Variants in COMMD10 observed in about 807,000 individuals in gnomAD.
The protein encoded by COMMD10 is COMM domain-containing protein 10.
A neutral mutation model predicts 28.9 loss-of-function variants in COMMD10; 33 were observed. That is an observed-to-expected ratio of 1.14 (90% CI 0.87 to 1.53). The LOEUF is 1.53. Among genes scored for constraint, COMMD10 ranks in the 40% most tolerant of loss-of-function variants. COMMD10 has a pLI of 0.00. For missense variants in COMMD10, 310 were observed against 233.4 expected, an observed-to-expected ratio of 1.33 and a Z score of -2.14; for synonymous variants, 110 against 81.7, an observed-to-expected ratio of 1.35 and a Z score of -1.87.
At position 116,092,720 on chromosome 5, in the gene COMMD10, AAATATGTTTTTC is replaced by A. The variant is rs772694743; in HGVS notation, c.399+25_399+36del. On this transcript the variant is annotated intron_variant, in intron 4 of 6. Transcript: ENST00000274458. The stretch of plus-strand genomic sequence containing the variant: ...TGTAAGGTATAGAACATACTGTCTT[AAATATGTTTTTC>A]AATAACATATGGCATAAATTATTAT... The A allele has an allele frequency of 6.7e-7, 1 of 1,488,740 alleles. No individual in the cohort carries two copies. Among genetic ancestry groups the A allele is most frequent in the Non-Finnish European group, 9.0e-7 (1 of 1,110,220 alleles). 92.2% of individuals were successfully genotyped at this position (1,488,740 alleles called of 1,614,324 possible).
At chr5:116,152,946 A>G (rs1309322283) in intron 5 of COMMD10, among the ~76,000 whole-genome samples, 1 of 152,048 alleles carries the variant, frequency 6.6e-6, no homozygotes, top group African/African-American at 2.4e-5. Flanking sequence ...GTGAGTGGGT[A>G]TTTTGTTTCC....
At chr5:116,185,766 C>T (rs4283834) in intron 5 of COMMD10, among the ~76,000 whole-genome samples, 16,054 of 152,110 alleles carry the variant, frequency 0.11, 937 homozygotes, top group African/African-American at 0.15. Context: ...ATAACAAATA[C>T]ATCTTGCCTC....
At chr5:116,177,175 C>G (rs1294716516) in intron 5 of COMMD10, among the ~76,000 whole-genome samples, 2 of 152,028 alleles carry the variant, frequency 1.3e-5, no homozygotes, top group African/African-American at 4.8e-5. Context: ...GACAGGGATC[C>G]AGTGGACAAA....
chr5:116,111,123 C>T (rs184748356), intron 4 of COMMD10, among the ~76,000 whole-genome samples: 48 of 152,160 alleles, frequency 3.2e-4, no homozygotes, highest in African/African-American at 8.4e-4. Flanking sequence ...TCATTTGTAA[C>T]GTCTCCATTT....
intron 5 of COMMD10, among the ~76,000 whole-genome samples, chr5:116,283,921 G>A (rs1213818628): frequency 6.6e-6 from 1 of 151,758 alleles, no homozygotes; most frequent in East Asian, 1.9e-4. Flanking sequence ...CTTGAGCTCA[G>A]GGGTTTGAAA....
At chr5:116,179,897 C>T (rs533461226) in intron 5 of COMMD10, among the ~76,000 whole-genome samples, 6 of 151,720 alleles carry the variant, frequency 4.0e-5, no homozygotes, top group East Asian at 3.9e-4. Flanking sequence ...AATGATTGGA[C>T]GAGATGGCAG....
intron 5 of COMMD10, among the ~76,000 whole-genome samples, chr5:116,147,140 G>A (rs7709791): frequency 0.32 from 48,093 of 151,614 alleles, 10,550 homozygotes; most frequent in African/African-American, 0.63. Context: ...TGTTTTTGGT[G>A]TGTATCTGGA....
chr5:116,225,732 A>G (rs983077850), intron 5 of COMMD10, among the ~76,000 whole-genome samples: 2 of 151,970 alleles, frequency 1.3e-5, no homozygotes, highest in Non-Finnish European at 2.9e-5. Flanking sequence ...GTCTAGATTC[A>G]TCTTTCTACC....
chr5:116,172,006 T>C (rs1263549159), intron 5 of COMMD10, among the ~76,000 whole-genome samples: 1 of 152,088 alleles, frequency 6.6e-6, no homozygotes, highest in Non-Finnish European at 1.5e-5. Flanking sequence ...TTGTGAATTA[T>C]CATATTTAAA....
chr5:116,244,660 C>CAAAAAAAAAAAAAAAAAAAAAAAAATAAA (rs60360733), intron 5 of COMMD10, among the ~76,000 whole-genome samples: 4 of 79,478 alleles, frequency 5.0e-5, no homozygotes, highest in Non-Finnish European at 1.2e-4. Context: ...AAAAAAATTA[C>CAAAAAAAAAAAAAAAAAAAAAAAAATAAA]AAAAAAAAAA....
chr5:116,184,125 C>T (rs1322084038), intron 5 of COMMD10, among the ~76,000 whole-genome samples: 2 of 151,870 alleles, frequency 1.3e-5, no homozygotes, highest in Non-Finnish European at 2.9e-5. Context: ...TTATAGATCT[C>T]ACATTGTTTC....
intron 5 of COMMD10, among the ~76,000 whole-genome samples, chr5:116,150,539 G>T (rs1459104091): frequency 2.1e-5 from 3 of 143,802 alleles, no homozygotes; most frequent in African/African-American, 8.3e-5. Context: ...TCGTTGAGCA[G>T]TGGTTTGTAG....
intron 4 of COMMD10, among the ~76,000 whole-genome samples, chr5:116,133,501 A>G (rs554597914): frequency 3.3e-4 from 50 of 152,336 alleles, no homozygotes; most frequent in Middle Eastern, 3.4e-3. Context: ...GCTGGGTAGT[A>G]GATATCAATT....
intron 5 of COMMD10, among the ~76,000 whole-genome samples, chr5:116,280,356 A>G (rs1365221981): frequency 6.6e-6 from 1 of 151,790 alleles, no homozygotes; most frequent in African/African-American, 2.4e-5. Flanking sequence ...GTGCCCTTTG[A>G]GCCAGAGCTG....
At chr5:116,191,029 A>G (rs1011126314) in intron 5 of COMMD10, among the ~76,000 whole-genome samples, 1 of 152,204 alleles carries the variant, frequency 6.6e-6, no homozygotes, top group African/African-American at 2.4e-5. Context: ...CAGTTTTGAC[A>G]TTATAACATT....
intron 5 of COMMD10, among the ~76,000 whole-genome samples, chr5:116,169,719 C>A (rs62384184): frequency 1.3e-5 from 2 of 152,118 alleles, no homozygotes; most frequent in African/African-American, 4.8e-5. Flanking sequence ...ATTGCGTAAA[C>A]AGAACCAATG....
chr5:116,230,974 T>G (rs1196625009), intron 5 of COMMD10, among the ~76,000 whole-genome samples: 1 of 152,168 alleles, frequency 6.6e-6, no homozygotes, highest in East Asian at 1.9e-4. Flanking sequence ...GCATCTTAAT[T>G]GTGGGGAGTG....
At chr5:116,219,158 G>C (rs868229730) in intron 5 of COMMD10, among the ~76,000 whole-genome samples, 1 of 152,126 alleles carries the variant, frequency 6.6e-6, no homozygotes, top group South Asian at 2.1e-4. Flanking sequence ...TGGACTTTCA[G>C]CTTCCAGAAC....
At position 116,282,347 on chromosome 5, in the gene COMMD10, G is replaced by A. The variant is rs1751093042; in HGVS notation, c.511-9170G>A. ...GCCACTGTGTCTTGCCTGGACTAAT[G>A]TAGTTTGGAGAAACTCCAAACTGGT... On this transcript the variant is annotated intron_variant, in intron 5 of 6. Transcript: ENST00000274458. 3.3e-5 allele frequency among the ~76,000 whole-genome samples: 5 copies of A among 151,992 alleles called. No homozygotes were observed. In the South Asian group the frequency reaches 1.0e-3, roughly 31 times the overall value.
Sources: gnomAD v4.1 joint callset for allele counts (sites outside exome capture counted in the v4.1 genomes callset) on GRCh38, gnomAD v4.1.1 for gene constraint, MANE v1.5 for transcripts, NCBI Gene and HGNC (gene_info 2026-07-23, HGNC 2026-07-21) for gene names.